Variants in CEP131 observed in about 807,000 individuals in gnomAD.
CEP131 encodes the protein centrosomal protein of 131 kDa.
Under a neutral mutation model 136.8 loss-of-function variants are expected in CEP131, and 99 were observed. That is an observed-to-expected ratio of 0.72 (90% CI 0.62 to 0.86). CEP131 has a LOEUF of 0.86. Ranked by LOEUF, CEP131 falls within the 40% of genes least tolerant of loss-of-function variation. The pLI is 0.00. For synonymous variants in CEP131, 646 were observed against 612.7 expected, an observed-to-expected ratio of 1.05 and a Z score of -0.80; for missense variants, 1,459 against 1,463.0, an observed-to-expected ratio of 1.00 and a Z score of 0.04.
intron 2 of CEP131, among the ~76,000 whole-genome samples, chr17:81,214,556 C>CA (rs71166131): frequency 0.44 from 66,668 of 150,696 alleles, 15,168 homozygotes; most frequent in Non-Finnish European, 0.48. Context: ...AACTTCATCT[C>CA]AAAAAAGAAA....
intron 21 of CEP131, 80 bp downstream of exon 21, chr17:81,192,238 A>T (rs1598265205): frequency 1.4e-6 from 2 of 1,401,518 alleles, no homozygotes; most frequent in Non-Finnish European, 1.9e-6. Flanking sequence ...CAGCAGCAAA[A>T]CCCACCTGGG....
intron 2 of CEP131, among the ~76,000 whole-genome samples, chr17:81,212,330 A>G (rs1250216854): frequency 6.6e-6 from 1 of 151,472 alleles, no homozygotes; most frequent in African/African-American, 2.4e-5. Context: ...TCAAAAAAAA[A>G]AAAAAAGAAA....
chr17:81,219,295 T>TC lies in CEP131; in HGVS notation c.177+584dup, dbSNP rs2062330455. ...TCCCCACAGGTCAACCCCATTTCTTTCTTTTTTTTTTTTTTTTGAGATGGC... is the reference window on the plus strand; with the variant it reads ...TCCCCACAGGTCAACCCCATTTCTTTCCTTTTTTTTTTTTTTTTGAGATGGC... On this transcript the variant is annotated intron_variant, in intron 2 of 25. Transcript: ENST00000450824. The surrounding 1 kb of genome is among the most constrained non-coding windows in gnomAD (Gnocchi z 4.0). 3.9e-5 allele frequency among the ~76,000 whole-genome samples: 2 copies of TC among 50,726 alleles called. No individual in the cohort carries two copies. Among genetic ancestry groups the TC allele is most frequent in the Non-Finnish European group, 9.1e-5 (2 of 22,022 alleles). The allele number at this position is 50,726 out of a possible 152,430, so 33.3% of individuals were successfully genotyped here.
At position 81,208,277 on chromosome 17, in the gene CEP131, G is replaced by T. The variant is rs1038627160; in HGVS notation, c.272+651C>A. On this transcript the variant is annotated intron_variant, in intron 3 of 25. Coordinates refer to ENST00000450824, the MANE Select transcript of CEP131 (RefSeq NM_014984.4). The surrounding 1 kb of genome is among the most constrained non-coding windows in gnomAD (Gnocchi z 5.6). ...TGGTCTTCCCAGGAAGGGTCCACCCGGGGCCCTTGGTGACCCAGAACTCAG... is the reference window on the plus strand; with the variant it reads ...TGGTCTTCCCAGGAAGGGTCCACCCTGGGCCCTTGGTGACCCAGAACTCAG... 6.6e-6 allele frequency among the ~76,000 whole-genome samples: 1 copy of T among 152,164 alleles called. No individual in the cohort carries two copies. The highest frequency in any genetic ancestry group is 2.4e-5 in the African/African-American group (1 of 41,438).
chr17:81,220,110 G>T (rs188498318), intron 1 of CEP131, 37 bp from the exon 2 acceptor site: 50 of 1,458,052 alleles, frequency 3.4e-5, no homozygotes, highest in Admixed American at 2.7e-4. Flanking sequence ...GAGATGCCGT[G>T]GGGGAACTAC....
At chr17:81,207,101 G>A (rs372021441) in intron 4 of CEP131, 24 bp downstream of exon 4, 31 of 1,598,890 alleles carry the variant, frequency 1.9e-5, no homozygotes, top group African/African-American at 4.0e-5. Context: ...AGACCAGGAC[G>A]TGGGGCCGCA....
chr17:81,210,449 A>G (rs2062107359), intron 2 of CEP131, among the ~76,000 whole-genome samples: 1 of 152,002 alleles, frequency 6.6e-6, no homozygotes, highest in South Asian at 2.1e-4. Context: ...GGGTGCCTGT[A>G]GTCCCAGCTA....
Position 81,208,082 on chromosome 17 carries a change from ACAC to A in CEP131, c.272+843_273-844del, listed in dbSNP as rs2062053044. The stretch of plus-strand genomic sequence containing the variant: ...CACTCACACCACACACCCACACACC[ACAC>A]CACACACACACACTTATGCCACACA... On this transcript the variant is annotated intron_variant, in intron 3 of 25. Transcript: ENST00000450824. This position sits in a 1 kb window ranked among gnomAD's most constrained non-coding sequence, Gnocchi z 5.6. Among the ~76,000 whole-genome samples the A allele has an allele frequency of 8.8e-5, 12 of 136,512 alleles. No individual in the cohort carries two copies. Among genetic ancestry groups the A allele is most frequent in the Admixed American group, 7.9e-4 (11 of 13,904 alleles). 89.6% of individuals were successfully genotyped at this position (136,512 alleles called of 152,430 possible). A position where few individuals can be genotyped will look rare whatever the true frequency, so the allele number is the denominator to read the frequency against.
At position 81,191,035 on chromosome 17, in the gene CEP131, G is replaced by A. The variant is rs755565022; in HGVS notation, c.2815C>T (p.Gln939Ter). The A allele has an allele frequency of 2.9e-5, 46 of 1,610,472 alleles. No individual in the cohort carries two copies. The highest frequency in any genetic ancestry group is 3.7e-5 in the Non-Finnish European group (44 of 1,179,558). ...KYEAELSELE[Q>*]SERKLQERCS... Reference sequence around the variant, plus strand: ...CGCTCCTGAAGCTTCCGCTCCGACTGCTCCAGCTCGGAGAGCTCGGCCTCG... The same window carrying A: ...CGCTCCTGAAGCTTCCGCTCCGACTACTCCAGCTCGGAGAGCTCGGCCTCG... The change falls in exon 23 of 26, where the codon CAG becomes TAG. Residue 939 changes from glutamine (Q) to a stop codon, truncating the protein, a stop_gained. Transcript: ENST00000450824. LOFTEE classifies it high-confidence loss of function.
At chr17:81,196,865 G>C (rs778234706) in intron 14 of CEP131, 39 bp from the exon 15 acceptor site, 1 of 1,602,308 alleles carries the variant, frequency 6.2e-7, no homozygotes, top group East Asian at 2.3e-5. Context: ...GCTAGGACCG[G>C]TGGGCCTGGC....
intron 2 of CEP131, among the ~76,000 whole-genome samples, chr17:81,217,292 C>T (rs561961895): frequency 1.1e-4 from 16 of 151,988 alleles, no homozygotes; most frequent in Non-Finnish European, 2.1e-4. Context: ...TGGGGAATCC[C>T]GGGACAGCAG....
chr17:81,206,866 G>A lies in CEP131; in HGVS notation c.393C>T (p.Asp131=), dbSNP rs1183319336. The A allele has an allele frequency of 6.2e-7, 1 of 1,613,236 alleles. No homozygotes were observed. The highest frequency in any genetic ancestry group is 1.1e-5 in the South Asian group (1 of 91,072). The change falls in exon 5 of 26, where the codon GAC becomes GAT. Residue 131 remains aspartate, a synonymous_variant. Coordinates refer to ENST00000450824, the MANE Select transcript of CEP131 (RefSeq NM_014984.4). ...EKGATWNVLD[D]QPRGFTLPSN... ...ATGGCAAGGTGAAGCCCCGGGGCTG[G>A]TCATCCTGTCAGACAGCTCAGCCCA...
Position 81,192,740 on chromosome 17 carries a change from C to G in CEP131, c.2425G>C (p.Ala809Pro), listed in dbSNP as rs767870387. The change falls in exon 19 of 26, where the codon GCC becomes CCC. Residue 809 changes from alanine (A) to proline (P), a missense_variant. Around this residue, in one of 3 missense-constraint regions of CEP131, gnomAD observed 1,026 missense variants for 964.2 expected, o/e 1.06. Transcript: ENST00000450824. ...CGTGGTGCCCCCGGGCGGCACCTGGCTGCCTGCTGGCCCAGCCGCTCCCTC... is the reference window on the plus strand; with the variant it reads ...CGTGGTGCCCCCGGGCGGCACCTGGGTGCCTGCTGGCCCAGCCGCTCCCTC... ...EERERLGQQA[A>P]RQRAELEELR... The G allele has an allele frequency of 6.3e-7, 1 of 1,576,642 alleles. No homozygotes were observed. The highest frequency in any genetic ancestry group is 8.6e-7 in the Non-Finnish European group (1 of 1,161,746).
Position 81,203,773 on chromosome 17 carries a change from C to A in CEP131, c.516-166G>T, listed in dbSNP as rs531364381. On this transcript the variant is annotated intron_variant, in intron 5 of 25. Coordinates refer to ENST00000450824, the MANE Select transcript of CEP131 (RefSeq NM_014984.4). This position sits in a 1 kb window ranked among gnomAD's most constrained non-coding sequence, Gnocchi z 4.6. ...GTCCCCAGGCCCCTTCCACAGCCTG[C>A]GCCCTGATGATGGGGTTCTTCCCAG... 17 of 596,482 alleles carry A rather than the reference C, an allele frequency of 2.9e-5. No individual in the cohort carries two copies. In the East Asian group the frequency reaches 4.3e-4, roughly 15 times the overall value. 36.9% of individuals were successfully genotyped at this position (596,482 alleles called of 1,614,324 possible). A position where few individuals can be genotyped will look rare whatever the true frequency, so the allele number is the denominator to read the frequency against.
In CEP131 at chr17:81,200,316, C is replaced by T. The variant is rs377527991; in HGVS notation, c.906+13G>A. 1.5e-4 allele frequency: 241 copies of T among 1,595,804 alleles called. 2 individuals are homozygous for T. Among genetic ancestry groups the T allele is most frequent in the South Asian group, 1.3e-3 (112 of 89,030 alleles). On this transcript the variant is annotated intron_variant, in intron 8 of 25. Transcript: ENST00000450824. ...CCGGGGGAGCATGGAGTGACTGAGA[C>T]GCCCACACTGACCTCCCGCTTGGCC... is the stretch of plus-strand genomic sequence containing the variant.
intron 13 of CEP131, 41 bp from the exon 14 acceptor site, chr17:81,197,096 CG>C: frequency 1.3e-6 from 2 of 1,560,554 alleles, no homozygotes; most frequent in Non-Finnish European, 8.7e-7. Flanking sequence ...CGGCAGAGGA[CG>C]GGGGGCAGCC....
rs369275244 is a variant in CEP131 at position 81,196,929 on chromosome 17, C to T, written c.1773+1G>A. ...GGGATTAGCAGTGCCAGCAGCGTTA[C>T]CAGCGCTCTCTGCAGCAGCAGCATG... On this transcript the variant is annotated splice_donor_variant, in intron 14 of 25. Coordinates refer to ENST00000450824, the MANE Select transcript of CEP131 (RefSeq NM_014984.4). LOFTEE classifies it high-confidence loss of function. The T allele has an allele frequency of 7.5e-6, 12 of 1,609,466 alleles. No homozygotes were observed. Among genetic ancestry groups the T allele is most frequent in the Non-Finnish European group, 1.0e-5 (12 of 1,178,474 alleles).
intron 2 of CEP131, among the ~76,000 whole-genome samples, chr17:81,216,486 T>C (rs2062249171): frequency 6.6e-6 from 1 of 152,114 alleles, no homozygotes; most frequent in South Asian, 2.1e-4. Flanking sequence ...AGCTGTGGTT[T>C]CTCCACTGCA....
chr17:81,206,676 GAC>G, intron 5 of CEP131, 66 bp downstream of exon 5: 3 of 1,528,562 alleles, frequency 2.0e-6, no homozygotes, highest in Non-Finnish European at 2.6e-6. Context: ...ACAAGACAAA[GAC>G]ACACACAGTC....
Sources: gnomAD v4.1 joint callset for allele counts (sites outside exome capture counted in the v4.1 genomes callset) on GRCh38, gnomAD v4.1.1 for gene constraint, gnomAD v4.1.1 regional missense constraint, Gnocchi (gnomAD v3.1) non-coding constraint, MANE v1.5 for transcripts, NCBI Gene and HGNC (gene_info 2026-07-23, HGNC 2026-07-21) for gene names.